Variants in HPGDS observed in about 807,000 individuals in gnomAD.
The protein encoded by HPGDS is hematopoietic prostaglandin D synthase, also known as GST class-sigma.
In HPGDS, 26 loss-of-function variants were observed where a neutral mutation model predicts 23.1. The observed-to-expected ratio is 1.13, with a 90% confidence interval of 0.83 to 1.56. The LOEUF is 1.56. Among genes scored for constraint, HPGDS ranks in the 40% most tolerant of loss-of-function variants. HPGDS has a pLI of 0.00. For missense variants in HPGDS, 268 were observed against 236.4 expected (o/e 1.13, Z -0.88); for synonymous variants, 95 against 77.9 (o/e 1.22, Z -1.16).
chr4:94,323,013 G>A (rs1383864949), intron 2 of HPGDS, among the ~76,000 whole-genome samples: 7 of 152,250 alleles, frequency 4.6e-5, no homozygotes, highest in South Asian at 2.1e-4. Context: ...CCTTCATTTC[G>A]TTATGTACCC....
At chr4:94,316,492 C>A (rs908382690) in intron 3 of HPGDS, among the ~76,000 whole-genome samples, 5 of 80,670 alleles carry the variant, frequency 6.2e-5, no homozygotes, top group African/African-American at 2.9e-4. Context: ...CCACAATAAT[C>A]TTCCCAAAAT....
intron 4 of HPGDS, among the ~76,000 whole-genome samples, chr4:94,303,327 A>G (rs1756080114): frequency 6.6e-6 from 1 of 152,160 alleles, no homozygotes; most frequent in Non-Finnish European, 1.5e-5. Context: ...GGAAATGCTC[A>G]GGGGAACATC....
At chr4:94,315,398 A>T (rs1014822770) in intron 3 of HPGDS, among the ~76,000 whole-genome samples, 4 of 152,218 alleles carry the variant, frequency 2.6e-5, no homozygotes, top group Admixed American at 2.0e-4. Flanking sequence ...TTTATTTTGT[A>T]TCAAGAATTA....
chr4:94,313,081 C>T (rs959290543), intron 3 of HPGDS, among the ~76,000 whole-genome samples: 1 of 152,100 alleles, frequency 6.6e-6, no homozygotes, highest in African/African-American at 2.4e-5. Context: ...TGGGTCTTGA[C>T]TCTTTATCCA....
chr4:94,309,962 C>T (rs1309882179), intron 3 of HPGDS, among the ~76,000 whole-genome samples: 1 of 152,178 alleles, frequency 6.6e-6, no homozygotes, highest in Non-Finnish European at 1.5e-5. Context: ...CTTTCGCCCA[C>T]TTGTTAATGG....
chr4:94,309,646 C>G (rs376131260), intron 3 of HPGDS, among the ~76,000 whole-genome samples: 44 of 152,050 alleles, frequency 2.9e-4, no homozygotes, highest in East Asian at 2.3e-3. Context: ...TATATACCCA[C>G]TAATGGGATG....
At chr4:94,332,996 T>C (rs1184763938) in intron 2 of HPGDS, among the ~76,000 whole-genome samples, 1 of 152,206 alleles carries the variant, frequency 6.6e-6, no homozygotes, top group African/African-American at 2.4e-5. Flanking sequence ...AAAAACGTTT[T>C]AAAGGGAGAA....
chr4:94,322,384 C>T (rs146797547), intron 2 of HPGDS, among the ~76,000 whole-genome samples: 3,779 of 152,138 alleles, frequency 0.025, 107 homozygotes, highest in African/African-American at 0.075. Context: ...TGTGAATCCA[C>T]CTGGTCCTGG....
chr4:94,335,207 G>C (rs1470081098), intron 1 of HPGDS, among the ~76,000 whole-genome samples: 3 of 152,112 alleles, frequency 2.0e-5, no homozygotes, highest in African/African-American at 7.2e-5. Flanking sequence ...GGTTCCCTCT[G>C]ACTACATCCA....
At chr4:94,330,854 C>T (rs1372642413) in intron 2 of HPGDS, among the ~76,000 whole-genome samples, 1 of 152,178 alleles carries the variant, frequency 6.6e-6, no homozygotes, top group Non-Finnish European at 1.5e-5. Flanking sequence ...AGAAAAACTT[C>T]AGCCGAATTA....
At chr4:94,301,177 A>G (rs1756033398) in intron 5 of HPGDS, among the ~76,000 whole-genome samples, 1 of 152,188 alleles carries the variant, frequency 6.6e-6, no homozygotes, top group African/African-American at 2.4e-5. Flanking sequence ...TGAACAGGGC[A>G]GACAGCAGAG....
At chr4:94,309,290 G>T (rs1346923164) in intron 3 of HPGDS, among the ~76,000 whole-genome samples, 1 of 136,624 alleles carries the variant, frequency 7.3e-6, no homozygotes, top group African/African-American at 2.8e-5. Context: ...CCCACAACAG[G>T]CCCCGGTGTG....
intron 1 of HPGDS, among the ~76,000 whole-genome samples, chr4:94,338,998 C>G (rs563896338): frequency 6.6e-6 from 1 of 152,276 alleles, no homozygotes; most frequent in East Asian, 1.9e-4. Context: ...GCGGTATTTG[C>G]TCAGAGGTGC....
intron 1 of HPGDS, 147 bp from the exon 2 acceptor site, chr4:94,334,785 ACTAT>A (rs1241464472): frequency 4.8e-6 from 3 of 622,706 alleles, no homozygotes; most frequent in African/African-American, 1.9e-5. Context: ...ATTATAAATC[ACTAT>A]CTAATTACAT....
At chr4:94,320,383 G>A (rs946160012) in intron 2 of HPGDS, among the ~76,000 whole-genome samples, 2 of 152,142 alleles carry the variant, frequency 1.3e-5, no homozygotes, top group African/African-American at 4.8e-5. Flanking sequence ...CACCAACAGT[G>A]TAAAAGTGTT....
chr4:94,308,128 A>T (rs936690662), intron 4 of HPGDS, among the ~76,000 whole-genome samples: 1 of 152,138 alleles, frequency 6.6e-6, no homozygotes, highest in Non-Finnish European at 1.5e-5. Context: ...TTTCATTTAC[A>T]CCTTATACAC....
intron 2 of HPGDS, among the ~76,000 whole-genome samples, chr4:94,330,919 G>A (rs1270447810): frequency 6.6e-6 from 1 of 152,178 alleles, no homozygotes; most frequent in Non-Finnish European, 1.5e-5. Flanking sequence ...GAAGTCCCCA[G>A]AATCACAGCA....
chr4:94,304,847 TC>T (rs1756111086), intron 4 of HPGDS, among the ~76,000 whole-genome samples: 2 of 152,092 alleles, frequency 1.3e-5, no homozygotes, highest in Non-Finnish European at 1.5e-5. Flanking sequence ...AATATTTTCC[TC>T]TGGGAGGTGG....
At chr4:94,312,568 C>G (rs908454569) in intron 3 of HPGDS, among the ~76,000 whole-genome samples, 4 of 152,164 alleles carry the variant, frequency 2.6e-5, no homozygotes, top group African/African-American at 9.7e-5. Flanking sequence ...ACTATGTGGT[C>G]AACTTTGGAG....
Sources: gnomAD v4.1 joint callset for allele counts (sites outside exome capture counted in the v4.1 genomes callset) on GRCh38, gnomAD v4.1.1 for gene constraint, MANE v1.5 for transcripts, NCBI Gene and HGNC (gene_info 2026-07-23, HGNC 2026-07-21) for gene names.